The following STAC variants were observed in gnomAD, a reference collection of about 807,000 sequenced individuals.
STAC encodes the protein SH3 and cysteine rich domain, also known as SH3 and cysteine-rich domain-containing protein.
STAC carries 43 observed loss-of-function variants against 48.8 expected under a neutral mutation model. That is an observed-to-expected ratio of 0.88 (90% CI 0.69 to 1.14). The LOEUF (loss-of-function observed/expected upper bound fraction) is 1.14. Among genes scored for constraint, STAC ranks in the 50% most tolerant of loss-of-function variants. The probability of loss-of-function intolerance (pLI) is 0.00; values close to 1 mark genes in which losing one functional copy is unlikely to be tolerated. For synonymous variants in STAC, 193 were observed against 179.5 expected (o/e 1.07, Z -0.60); for missense variants, 497 against 504.0 (o/e 0.99, Z 0.13).
intron 8 of STAC, among the ~76,000 whole-genome samples, chr3:36,506,427 A>G (rs1156480912): frequency 1.3e-5 from 2 of 152,034 alleles, no homozygotes; most frequent in Non-Finnish European, 2.9e-5. Context: ...TTTTGGTTCT[A>G]TATGAACTTT....
intron 1 of STAC, among the ~76,000 whole-genome samples, chr3:36,431,177 C>T (rs1457811527): frequency 6.6e-6 from 1 of 152,066 alleles, no homozygotes; most frequent in Admixed American, 6.6e-5. Context: ...ATCCTCACTG[C>T]TCTCAACAGT....
At chr3:36,491,798 G>A (rs915304151) in intron 5 of STAC, among the ~76,000 whole-genome samples, 1 of 151,116 alleles carries the variant, frequency 6.6e-6, no homozygotes, top group African/African-American at 2.4e-5. Context: ...CAGATCACCT[G>A]AGGTCAGGAG....
chr3:36,437,175 G>A (rs2125659200), intron 1 of STAC, among the ~76,000 whole-genome samples: 1 of 151,402 alleles, frequency 6.6e-6, no homozygotes, highest in Non-Finnish European at 1.5e-5. Flanking sequence ...TACACTGTTG[G>A]TGGGACTGTA....
chr3:36,500,851 G>A (rs1198485345), intron 6 of STAC, among the ~76,000 whole-genome samples: 1 of 152,148 alleles, frequency 6.6e-6, no homozygotes, highest in African/African-American at 2.4e-5. Context: ...AGCACTTTGG[G>A]AGGCCAAGGT....
chr3:36,407,583 G>T (rs1035293098), intron 1 of STAC, among the ~76,000 whole-genome samples: 1 of 152,116 alleles, frequency 6.6e-6, no homozygotes, highest in African/African-American at 2.4e-5. Context: ...ATTTGATGGG[G>T]CTTTTAATGC....
intron 2 of STAC, among the ~76,000 whole-genome samples, chr3:36,479,346 T>G (rs1330251519): frequency 1.3e-5 from 2 of 152,206 alleles, no homozygotes; most frequent in Non-Finnish European, 2.9e-5. Context: ...TCAATCTTCC[T>G]ATCATCTATT....
chr3:36,530,600 T>C (rs1172459699), intron 10 of STAC, among the ~76,000 whole-genome samples: 2 of 142,580 alleles, frequency 1.4e-5, no homozygotes, highest in Non-Finnish European at 1.5e-5. Flanking sequence ...TTTCTTTTTT[T>C]TTTTTTTTTT....
intron 1 of STAC, among the ~76,000 whole-genome samples, chr3:36,433,444 T>C (rs1414247941): frequency 6.6e-6 from 1 of 152,232 alleles, no homozygotes; most frequent in East Asian, 1.9e-4. Context: ...AATTATATGT[T>C]TTAACATTGA....
chr3:36,380,829 C>T (rs995757763), intron 1 of STAC, 75 bp downstream of exon 1: 3 of 1,185,912 alleles, frequency 2.5e-6, no homozygotes, highest in Non-Finnish European at 3.6e-6. Context: ...GTCTCTCCTC[C>T]TATCTAGCAC....
chr3:36,470,641 A>G (rs1286690139), intron 2 of STAC, among the ~76,000 whole-genome samples: 8 of 152,226 alleles, frequency 5.3e-5, no homozygotes, highest in Non-Finnish European at 1.2e-4. Flanking sequence ...CGAAAGGTCT[A>G]TTGATTCTCT....
chr3:36,494,460 T>G (rs1409029846), intron 6 of STAC, among the ~76,000 whole-genome samples: 1 of 152,200 alleles, frequency 6.6e-6, no homozygotes, highest in Non-Finnish European at 1.5e-5. Context: ...AATTCCTCAT[T>G]CGATACCACA....
chr3:36,515,209 T>C (rs1256520693), intron 8 of STAC, among the ~76,000 whole-genome samples: 9 of 152,136 alleles, frequency 5.9e-5, no homozygotes, highest in Admixed American at 5.2e-4. Context: ...AAAAGTAGCC[T>C]GTGGTTCCAT....
chr3:36,456,220 T>C (rs1045825840), intron 2 of STAC, among the ~76,000 whole-genome samples: 3 of 152,130 alleles, frequency 2.0e-5, no homozygotes, highest in African/African-American at 7.2e-5. Context: ...TATAATGTCA[T>C]AAAGAGAAGT....
chr3:36,407,652 A>G (rs1278706835), intron 1 of STAC, among the ~76,000 whole-genome samples: 1 of 152,228 alleles, frequency 6.6e-6, no homozygotes, highest in Non-Finnish European at 1.5e-5. Flanking sequence ...ACTAGACGCT[A>G]TTAACCTCCA....
At chr3:36,398,877 T>A (rs780160590) in intron 1 of STAC, among the ~76,000 whole-genome samples, 1 of 152,104 alleles carries the variant, frequency 6.6e-6, no homozygotes, top group Non-Finnish European at 1.5e-5. Flanking sequence ...CACCTCTAGT[T>A]GAGGTCTCTA....
At chr3:36,421,519 T>C (rs983824391) in intron 1 of STAC, among the ~76,000 whole-genome samples, 1 of 152,144 alleles carries the variant, frequency 6.6e-6, no homozygotes, top group Non-Finnish European at 1.5e-5. Flanking sequence ...GGAAAAGAGA[T>C]GTCTCTTTTC....
intron 8 of STAC, among the ~76,000 whole-genome samples, chr3:36,511,578 C>G (rs1242061498): frequency 6.6e-6 from 1 of 152,196 alleles, no homozygotes; most frequent in Non-Finnish European, 1.5e-5. Flanking sequence ...TAAATTAGCA[C>G]TCAAAACTAT....
At chr3:36,540,082 G>A (rs1482953260) in intron 10 of STAC, among the ~76,000 whole-genome samples, 6 of 152,046 alleles carry the variant, frequency 3.9e-5, no homozygotes, top group East Asian at 1.9e-4. Context: ...GATGGAAGCC[G>A]GGGTCAGAGA....
chr3:36,527,000 C>T (rs566043803), intron 8 of STAC, among the ~76,000 whole-genome samples: 28 of 152,230 alleles, frequency 1.8e-4, no homozygotes, highest in African/African-American at 4.8e-4. Context: ...AGGGAGGAGA[C>T]GCACCAATTG....
Sources: allele counts gnomAD v4.1 joint callset (sites outside exome capture counted in the v4.1 genomes callset), GRCh38; gene constraint gnomAD v4.1.1; transcripts MANE v1.5; gene names NCBI Gene and HGNC (gene_info 2026-07-23, HGNC 2026-07-21).